The following NRXN3 variants were observed in gnomAD, a reference collection of about 807,000 sequenced individuals.
The protein encoded by NRXN3 is neurexin III.
A neutral mutation model predicts 137.6 loss-of-function variants in NRXN3; 32 were observed. That is an observed-to-expected ratio of 0.23 (90% confidence interval 0.18 to 0.31). NRXN3 has a LOEUF of 0.31. Ranked by LOEUF, NRXN3 falls within the 10% of genes least tolerant of loss-of-function variation. The pLI is 1.00. For missense variants in NRXN3, 1,574 were observed against 2,062.5 expected (o/e 0.76, Z 4.59); for synonymous variants, 798 against 784.5 (o/e 1.02, Z -0.29).
At chr14:78,582,508 G>T (rs1278466232) in intron 4 of NRXN3, among the ~76,000 whole-genome samples, 1 of 152,118 alleles carries the variant, frequency 6.6e-6, no homozygotes, top group East Asian at 1.9e-4. Context: ...AGGTGATTAG[G>T]CCACAAGAGC....
chr14:78,601,639 A>G (rs2097202816), intron 4 of NRXN3, among the ~76,000 whole-genome samples: 1 of 152,100 alleles, frequency 6.6e-6, no homozygotes. Context: ...TATTTTTAGT[A>G]GACACAGGGT....
chr14:78,893,488 G>A (rs1357806745), intron 10 of NRXN3, among the ~76,000 whole-genome samples: 3 of 151,862 alleles, frequency 2.0e-5, no homozygotes, highest in Non-Finnish European at 2.9e-5. Flanking sequence ...GATTTATAAT[G>A]TTCAAACTGG....
chr14:79,695,531 C>G (rs1346112813), intron 18 of NRXN3, among the ~76,000 whole-genome samples: 1 of 151,016 alleles, frequency 6.6e-6, no homozygotes, highest in Non-Finnish European at 1.5e-5. Context: ...CTTCTAATTT[C>G]TAATTCATTA....
chr14:78,174,740 C>A (rs1005794555), intron 1 of NRXN3, among the ~76,000 whole-genome samples: 27 of 152,188 alleles, frequency 1.8e-4, no homozygotes, highest in African/African-American at 6.3e-4. Context: ...GGGGAAGAGT[C>A]CTCAAGGTAG....
chr14:78,194,916 G>T (rs1029684931), intron 1 of NRXN3, among the ~76,000 whole-genome samples: 1 of 152,212 alleles, frequency 6.6e-6, no homozygotes, highest in Non-Finnish European at 1.5e-5. Context: ...TCTGCAACGT[G>T]TGCAGATGCA....
chr14:78,643,871 A>G (rs1055470150), intron 4 of NRXN3, among the ~76,000 whole-genome samples: 5 of 152,238 alleles, frequency 3.3e-5, no homozygotes, highest in African/African-American at 9.6e-5. Context: ...GGCTGGGTGC[A>G]GTGGCTCACG....
At chr14:78,349,385 C>A (rs1779252515) in intron 4 of NRXN3, among the ~76,000 whole-genome samples, 1 of 152,146 alleles carries the variant, frequency 6.6e-6, no homozygotes, top group African/African-American at 2.4e-5. Context: ...TGGGCCTGCT[C>A]CAGCCTTCAG....
At chr14:79,473,786 T>C (rs1223692784) in intron 16 of NRXN3, among the ~76,000 whole-genome samples, 1 of 146,218 alleles carries the variant, frequency 6.8e-6, no homozygotes, top group East Asian at 1.9e-4. Flanking sequence ...ATTTCTGAGC[T>C]TAGGAGTTTT....
At chr14:79,714,549 G>A (rs1208019636) in intron 19 of NRXN3, among the ~76,000 whole-genome samples, 3 of 151,892 alleles carry the variant, frequency 2.0e-5, no homozygotes, top group African/African-American at 7.3e-5. Context: ...ATAACTATAG[G>A]GAGATTCTTG....
intron 4 of NRXN3, among the ~76,000 whole-genome samples, chr14:78,308,774 A>C (rs1244803959): frequency 1.3e-5 from 2 of 152,082 alleles, no homozygotes; most frequent in African/African-American, 2.4e-5. Context: ...ACTTCTCTCC[A>C]AATAAAAGTC....
intron 15 of NRXN3, among the ~76,000 whole-genome samples, chr14:79,116,660 T>C (rs2054500390): frequency 6.6e-6 from 1 of 152,176 alleles, no homozygotes; most frequent in African/African-American, 2.4e-5. Context: ...CCCTTAATGA[T>C]GATGTTTCTC....
chr14:78,216,111 C>T (rs191888454), intron 1 of NRXN3, among the ~76,000 whole-genome samples: 264 of 152,230 alleles, frequency 1.7e-3, no homozygotes, highest in African/African-American at 5.9e-3. Context: ...GTGTATCTGT[C>T]TCCCTTCCTC....
intron 15 of NRXN3, among the ~76,000 whole-genome samples, chr14:79,049,104 G>A (rs1212446994): frequency 1.1e-4 from 10 of 91,324 alleles, no homozygotes; most frequent in Admixed American, 7.7e-4. Context: ...AATATGATGG[G>A]GTGTGCTGCA....
intron 4 of NRXN3, among the ~76,000 whole-genome samples, chr14:78,385,740 T>G (rs928573961): frequency 6.6e-6 from 1 of 152,214 alleles, no homozygotes; most frequent in Non-Finnish European, 1.5e-5. Context: ...AGAATCCTCT[T>G]CTTTCTTAGT....
At chr14:78,330,405 T>C (rs2080661804) in intron 4 of NRXN3, among the ~76,000 whole-genome samples, 1 of 152,070 alleles carries the variant, frequency 6.6e-6, no homozygotes, top group Non-Finnish European at 1.5e-5. Context: ...ATTCTTCCTC[T>C]CATTTCACAT....
At chr14:78,323,068 G>T (rs2079588737) in intron 4 of NRXN3, among the ~76,000 whole-genome samples, 1 of 152,042 alleles carries the variant, frequency 6.6e-6, no homozygotes, top group East Asian at 1.9e-4. Context: ...GAGATTGACT[G>T]TATCTGATTA....
intron 4 of NRXN3, among the ~76,000 whole-genome samples, chr14:78,506,778 T>C (rs573926736): frequency 5.9e-5 from 9 of 151,448 alleles, no homozygotes; most frequent in South Asian, 4.2e-4. Flanking sequence ...CAAGTGATTC[T>C]CTTGCCTCAG....
intron 16 of NRXN3, among the ~76,000 whole-genome samples, chr14:79,569,538 C>T (rs1372253900): frequency 6.6e-6 from 1 of 151,670 alleles, no homozygotes; most frequent in Non-Finnish European, 1.5e-5. Context: ...CAATGCCCTC[C>T]ATTTCTAAAT....
intron 15 of NRXN3, among the ~76,000 whole-genome samples, chr14:79,345,444 C>T (rs912571132): frequency 1.3e-5 from 2 of 152,038 alleles, no homozygotes; most frequent in East Asian, 1.9e-4. Context: ...CTCCTGTCCT[C>T]GGGGTGTTTA....
Sources: gnomAD v4.1 joint callset for allele counts (sites outside exome capture counted in the v4.1 genomes callset) on GRCh38, gnomAD v4.1.1 for gene constraint, MANE v1.5 for transcripts, NCBI Gene and HGNC (gene_info 2026-07-23, HGNC 2026-07-21) for gene names.